The following PPP2R2B variants were observed in gnomAD, a reference collection of about 807,000 sequenced individuals.
The protein encoded by PPP2R2B is serine/threonine-protein phosphatase 2A 55 kDa regulatory subunit B beta isoform.
Under a neutral mutation model 46.0 loss-of-function variants are expected in PPP2R2B, and 5 were observed. The ratio of observed to expected loss-of-function variants is 0.11; its 90% confidence interval spans 0.06 to 0.23. PPP2R2B has a LOEUF of 0.23. Among genes scored for constraint, PPP2R2B ranks in the 10% least tolerant of loss-of-function variants. PPP2R2B has a pLI of 1.00. For missense variants in PPP2R2B, 367 were observed against 575.0 expected (o/e 0.64, Z 3.70); for synonymous variants, 215 against 206.7 (o/e 1.04, Z -0.34).
chr5:146,705,181 C>T (rs530589053), intron 2 of PPP2R2B, among the ~76,000 whole-genome samples: 17 of 152,238 alleles, frequency 1.1e-4, no homozygotes, highest in African/African-American at 3.6e-4. Context: ...TATCTTTCAT[C>T]TAAGAAACAT....
chr5:146,812,724 TTATA>T (rs764543835), intron 2 of PPP2R2B, among the ~76,000 whole-genome samples: 6 of 15,074 alleles, frequency 4.0e-4, no homozygotes, highest in African/African-American at 2.1e-3. Context: ...TAGAGTTACT[TTATA>T]TATATATATA....
At chr5:146,988,175 G>A (rs941327267) in intron 1 of PPP2R2B, among the ~76,000 whole-genome samples, 1 of 151,850 alleles carries the variant, frequency 6.6e-6, no homozygotes, top group African/African-American at 2.4e-5. Context: ...AATAGTAGGA[G>A]AGTTCAACAC....
intron 1 of PPP2R2B, among the ~76,000 whole-genome samples, chr5:146,912,546 CT>C (rs1763227182): frequency 6.6e-6 from 1 of 151,254 alleles, no homozygotes; most frequent in Non-Finnish European, 1.5e-5. Flanking sequence ...CAGAGTCTCC[CT>C]CTGTCGCCCA....
At chr5:146,877,577 C>T (rs1761966497) in intron 2 of PPP2R2B, among the ~76,000 whole-genome samples, 1 of 152,092 alleles carries the variant, frequency 6.6e-6, no homozygotes, top group South Asian at 2.1e-4. Context: ...GAAATGAAAC[C>T]TTGCCCTCCC....
chr5:146,614,156 T>C (rs1352339218), intron 7 of PPP2R2B, among the ~76,000 whole-genome samples: 5 of 111,090 alleles, frequency 4.5e-5, no homozygotes, highest in African/African-American at 2.3e-4. Context: ...AACAGAGATA[T>C]AGATCAATGG....
rs1179383789 is a variant in PPP2R2B, at chr5:147,055,136, G to A, written c.79+529C>T. ...AGAAACCACATTTCATGTAAGTGCT[G>A]AAAGTCAGCTGTGTTCTTACTGCTC... On this transcript the variant is annotated intron_variant, in intron 1 of 8. Coordinates refer to the PPP2R2B transcript ENST00000336640. Among the ~76,000 whole-genome samples the A allele has an allele frequency of 2.6e-5, 4 of 152,178 alleles. No individual in the cohort carries two copies. In the East Asian group the frequency reaches 7.7e-4, roughly 29 times the overall value.
intron 2 of PPP2R2B, among the ~76,000 whole-genome samples, chr5:146,730,049 T>C (rs1273803606): frequency 6.6e-6 from 1 of 152,114 alleles, no homozygotes; most frequent in Admixed American, 6.5e-5. Context: ...TGCCAACCCA[T>C]GAAAGCAGCC....
At chr5:146,867,813 C>A (rs1389130191) in intron 2 of PPP2R2B, among the ~76,000 whole-genome samples, 1 of 152,206 alleles carries the variant, frequency 6.6e-6, no homozygotes, top group African/African-American at 2.4e-5. Context: ...TTATACTTCA[C>A]CATATGCCCC....
At chr5:146,882,731 G>A (rs758385214), upstream of PPP2R2B, among the ~76,000 whole-genome samples, 16 of 152,214 alleles carry the variant, frequency 1.1e-4, no homozygotes, top group Non-Finnish European at 1.5e-4. Flanking sequence ...TGTATAAGAT[G>A]TAGTCAGTCT....
intron 1 of PPP2R2B, among the ~76,000 whole-genome samples, chr5:146,934,315 C>A (rs1397085991): frequency 6.6e-6 from 1 of 151,228 alleles, no homozygotes; most frequent in Non-Finnish European, 1.5e-5. Context: ...AAAAGTGTTC[C>A]TATTTCTCCA....
At chr5:147,026,476 AC>A (rs1755531301) in intron 1 of PPP2R2B, among the ~76,000 whole-genome samples, 1 of 152,028 alleles carries the variant, frequency 6.6e-6, no homozygotes, top group African/African-American at 2.4e-5. Flanking sequence ...GGCACAAGAA[AC>A]TTTTTGAGGG....
chr5:147,067,530 A>T (rs1160754488), intron 2 of PPP2R2B, among the ~76,000 whole-genome samples: 4 of 152,074 alleles, frequency 2.6e-5, no homozygotes, highest in African/African-American at 9.7e-5. Flanking sequence ...TTGTTTTTCC[A>T]CCAGAAGGGA....
chr5:146,941,710 T>C (rs914654211), intron 1 of PPP2R2B, among the ~76,000 whole-genome samples: 3 of 152,212 alleles, frequency 2.0e-5, no homozygotes, highest in Non-Finnish European at 2.9e-5. Context: ...ATGTGTGGCA[T>C]AGCAGAATGA....
At chr5:146,659,041 C>CA (rs11413858) in intron 5 of PPP2R2B, among the ~76,000 whole-genome samples, 143,266 of 152,158 alleles carry the variant, frequency 0.94, 67,804 homozygotes, top group East Asian at 1. Context: ...TAGAAATGAT[C>CA]AAAAACCTTT....
At chr5:146,689,323 C>T (rs1467281604) in intron 5 of PPP2R2B, among the ~76,000 whole-genome samples, 1 of 152,116 alleles carries the variant, frequency 6.6e-6, no homozygotes, top group African/African-American at 2.4e-5. Flanking sequence ...TAGCCACATG[C>T]CACATGATGT....
At chr5:146,903,241 C>T (rs1762892119) in intron 1 of PPP2R2B, among the ~76,000 whole-genome samples, 1 of 152,064 alleles carries the variant, frequency 6.6e-6, no homozygotes, top group South Asian at 2.1e-4. Flanking sequence ...ATTTAACTGT[C>T]AATAGACATT....
intron 2 of PPP2R2B, among the ~76,000 whole-genome samples, chr5:146,847,550 T>TC (rs949259372): frequency 6.6e-6 from 1 of 152,154 alleles, no homozygotes; most frequent in Non-Finnish European, 1.5e-5. Context: ...TCTCCTGGCC[T>TC]CCAGGAACCC....
intron 1 of PPP2R2B, among the ~76,000 whole-genome samples, chr5:146,984,844 A>G (rs1394225247): frequency 6.6e-6 from 1 of 151,980 alleles, no homozygotes; most frequent in African/African-American, 2.4e-5. Context: ...CATTTTTCAT[A>G]TATCTGCTGA....
intron 2 of PPP2R2B, among the ~76,000 whole-genome samples, chr5:146,755,505 C>G (rs1192478458): frequency 6.6e-6 from 1 of 152,114 alleles, no homozygotes; most frequent in East Asian, 1.9e-4. Context: ...ATCATTTTTA[C>G]TCATGTTTCT....
Sources: gnomAD v4.1 joint callset for allele counts (sites outside exome capture counted in the v4.1 genomes callset) on GRCh38, gnomAD v4.1.1 for gene constraint, MANE v1.5 for transcripts, NCBI Gene and HGNC (gene_info 2026-07-23, HGNC 2026-07-21) for gene names.